BTBD9: variants seen among roughly 807,000 people sequenced by gnomAD.
The protein encoded by BTBD9 is BTB/POZ domain-containing protein 9.
A neutral mutation model predicts 64.3 loss-of-function variants in BTBD9; 49 were observed. The ratio of observed to expected loss-of-function variants is 0.76; its 90% CI spans 0.61 to 0.97. The LOEUF is 0.97. Among genes scored for constraint, BTBD9 ranks in the 50% least tolerant of loss-of-function variants. The pLI is 0.00. For missense variants in BTBD9, 598 were observed against 762.1 expected (o/e 0.78, Z 2.53); for synonymous variants, 260 against 274.7 (o/e 0.95, Z 0.53).
chr6:38,206,287 C>A lies in BTBD9; in HGVS notation c.1563-13690G>T, dbSNP rs543109572. On this transcript the variant is annotated intron_variant, in intron 9 of 10. Coordinates refer to ENST00000481247, the MANE Select transcript of BTBD9 (RefSeq NM_001099272.2). Reference sequence around the variant, plus strand: ...CTAGAGTACAGTGGCATGATTTTGGCTCACTGCAACCTCGCCTCCCAGCTT... The same window carrying A: ...CTAGAGTACAGTGGCATGATTTTGGATCACTGCAACCTCGCCTCCCAGCTT... Among the ~76,000 whole-genome samples, 6 of 151,648 alleles carry A rather than the reference C, an allele frequency of 4.0e-5. No individual in the cohort carries two copies. The South Asian group carries it at 1.3e-3, about 32-fold the overall frequency.
chr6:38,347,343 G>A (rs1048803910), intron 6 of BTBD9, among the ~76,000 whole-genome samples: 2 of 152,160 alleles, frequency 1.3e-5, no homozygotes, highest in African/African-American at 4.8e-5. Flanking sequence ...CTGTGTAAAT[G>A]AAGATAATGT....
intron 9 of BTBD9, among the ~76,000 whole-genome samples, chr6:38,221,830 A>G (rs1022750799): frequency 6.6e-6 from 1 of 152,042 alleles, no homozygotes; most frequent in African/African-American, 2.4e-5. Context: ...ACCTCTACTA[A>G]AAATACAGGA....
chr6:38,340,140 T>C (rs1764042716), intron 7 of BTBD9, among the ~76,000 whole-genome samples: 1 of 152,240 alleles, frequency 6.6e-6, no homozygotes, highest in Non-Finnish European at 1.5e-5. Flanking sequence ...ATACTCATGA[T>C]ATATTTCATC....
chr6:38,396,897 C>CTTTTTTTTTTTTTTT (rs146597621), intron 6 of BTBD9, among the ~76,000 whole-genome samples: 66 of 107,378 alleles, frequency 6.1e-4, no homozygotes, highest in Non-Finnish European at 1.1e-3. Context: ...TTTTCTTTTT[C>CTTTTTTTTTTTTTTT]TTTTTTTTTT....
At chr6:38,607,123 T>A (rs1281467931) in intron 1 of BTBD9, among the ~76,000 whole-genome samples, 1 of 152,176 alleles carries the variant, frequency 6.6e-6, no homozygotes, top group Non-Finnish European at 1.5e-5. Flanking sequence ...ACTTTGCTAA[T>A]ACAAAGAGAA....
chr6:38,379,063 C>T (rs1197247102), intron 6 of BTBD9, among the ~76,000 whole-genome samples: 3 of 151,844 alleles, frequency 2.0e-5, no homozygotes, highest in African/African-American at 7.3e-5. Context: ...CCAGGCATAC[C>T]AAGATATATG....
At chr6:38,398,269 C>T (rs965877490) in intron 6 of BTBD9, among the ~76,000 whole-genome samples, 1 of 152,134 alleles carries the variant, frequency 6.6e-6, no homozygotes, top group Non-Finnish European at 1.5e-5. Flanking sequence ...CCTAAACAGT[C>T]TATGGTTAAA....
chr6:38,271,319 A>T (rs1362265766), intron 8 of BTBD9, among the ~76,000 whole-genome samples: 1 of 152,002 alleles, frequency 6.6e-6, no homozygotes, highest in Non-Finnish European at 1.5e-5. Context: ...AGTAGGAAAA[A>T]CCCAGTGGTC....
chr6:38,206,750 C>T (rs1460970653), intron 9 of BTBD9, among the ~76,000 whole-genome samples: 1 of 152,066 alleles, frequency 6.6e-6, no homozygotes, highest in Admixed American at 6.5e-5. Context: ...AAACTAAATC[C>T]TTATCTTTCA....
chr6:38,621,782 G>C (rs924698650), intron 1 of BTBD9, among the ~76,000 whole-genome samples: 2 of 152,172 alleles, frequency 1.3e-5, no homozygotes, highest in Non-Finnish European at 2.9e-5. Flanking sequence ...CCCTGCCAAA[G>C]CCATCAAAAA....
intron 7 of BTBD9, among the ~76,000 whole-genome samples, chr6:38,330,432 G>C (rs1763628303): frequency 6.6e-6 from 1 of 151,952 alleles, no homozygotes; most frequent in Non-Finnish European, 1.5e-5. Flanking sequence ...TGCACCTATA[G>C]TCCCAGCTAC....
chr6:38,265,470 A>C (rs1582135105), intron 8 of BTBD9, among the ~76,000 whole-genome samples: 1 of 151,832 alleles, frequency 6.6e-6, no homozygotes, highest in Admixed American at 6.6e-5. Flanking sequence ...AAAACTTTCC[A>C]AAACTTGGAG....
chr6:38,438,237 A>AT, intron 6 of BTBD9, among the ~76,000 whole-genome samples: 1 of 113,580 alleles, frequency 8.8e-6, no homozygotes, highest in Non-Finnish European at 2.0e-5. Flanking sequence ...GGAGGGAGGG[A>AT]GGGAGGGAGG....
rs560238458 is a variant in BTBD9, at chr6:38,265,375, A to G, written c.1455-8859T>C. On this transcript the variant is annotated intron_variant, in intron 8 of 10. Transcript: ENST00000481247. ...GCCCACATACCATGAGAAATATAGT[A>G]TAATCTAGGTATGTTATCTGAAAGT... Among the ~76,000 whole-genome samples, 125 of 152,240 alleles carry G rather than the reference A, an allele frequency of 8.2e-4. 1 individual carries two copies. Among genetic ancestry groups the G allele is most frequent in the African/African-American group, 2.9e-3 (121 of 41,538 alleles).
At chr6:38,225,225 C>T (rs1763355459) in intron 9 of BTBD9, among the ~76,000 whole-genome samples, 1 of 152,210 alleles carries the variant, frequency 6.6e-6, no homozygotes, top group South Asian at 2.1e-4. Flanking sequence ...CCCACAATGC[C>T]ATGGACAAAT....
At chr6:38,489,559 T>C (rs1013611816) in intron 6 of BTBD9, among the ~76,000 whole-genome samples, 1 of 152,370 alleles carries the variant, frequency 6.6e-6, no homozygotes, top group Middle Eastern at 3.4e-3. Context: ...TAAAACCTTT[T>C]AACATTATAC....
intron 9 of BTBD9, among the ~76,000 whole-genome samples, chr6:38,219,275 C>T (rs1008824132): frequency 2.0e-5 from 3 of 150,098 alleles, no homozygotes; most frequent in Non-Finnish European, 4.4e-5. Flanking sequence ...GCTGGAACTA[C>T]AGGTGTGCGC....
chr6:38,623,256 T>C (rs751008424), intron 1 of BTBD9, among the ~76,000 whole-genome samples: 4 of 152,130 alleles, frequency 2.6e-5, no homozygotes, highest in African/African-American at 4.8e-5. Context: ...AACATTGACA[T>C]TGCCCCAGGA....
At chr6:38,358,857 C>T (rs1327371227) in intron 6 of BTBD9, among the ~76,000 whole-genome samples, 2 of 151,776 alleles carry the variant, frequency 1.3e-5, no homozygotes, top group Non-Finnish European at 1.5e-5. Flanking sequence ...CTGCAAGCTC[C>T]GCTTCCCGGG....
Sources: allele counts gnomAD v4.1 joint callset (sites outside exome capture counted in the v4.1 genomes callset), GRCh38; gene constraint gnomAD v4.1.1; transcripts MANE v1.5; gene names NCBI Gene and HGNC (gene_info 2026-07-23, HGNC 2026-07-21).